The following UBE2F variants were observed in gnomAD, a reference collection of about 807,000 sequenced individuals.
UBE2F encodes the protein NEDD8-conjugating enzyme UBE2F.
Under a neutral mutation model 29.6 loss-of-function variants are expected in UBE2F, and 5 were observed. That is an observed-to-expected ratio of 0.17 (90% confidence interval 0.09 to 0.36). UBE2F has a LOEUF of 0.36. Ranked by LOEUF, UBE2F falls within the 10% of genes least tolerant of loss-of-function variation. UBE2F has a pLI of 1.00. For synonymous variants in UBE2F, 66 were observed against 81.8 expected (o/e 0.81, Z 1.04); for missense variants, 141 against 228.5 (o/e 0.62, Z 2.47).
At chr2:238,034,342 C>T (rs1359987704) in intron 8 of UBE2F, among the ~76,000 whole-genome samples, 2 of 151,752 alleles carry the variant, frequency 1.3e-5, no homozygotes, top group Non-Finnish European at 2.9e-5. Context: ...GCAGGAGAAT[C>T]GCTTGAATCC....
At chr2:238,026,337 G>A (rs866186332) in intron 6 of UBE2F, among the ~76,000 whole-genome samples, 3 of 152,282 alleles carry the variant, frequency 2.0e-5, no homozygotes, top group East Asian at 3.9e-4. Flanking sequence ...CTCAACTTCC[G>A]TATCTCTTTT....
chr2:237,987,925 AT>A (rs1214419354), intron 2 of UBE2F, 37 bp from the exon 3 acceptor site: 2 of 1,216,584 alleles, frequency 1.6e-6, no homozygotes, highest in African/African-American at 3.2e-5. Flanking sequence ...ATGTGGAGTA[AT>A]TGACTAATAT....
chr2:237,968,223 A>G (rs2063100057), intron 1 of UBE2F, among the ~76,000 whole-genome samples: 1 of 152,148 alleles, frequency 6.6e-6, no homozygotes, highest in Non-Finnish European at 1.5e-5. Context: ...ATTGAGAGAC[A>G]GAATCACACC....
At chr2:238,007,236 C>T (rs979624493) in intron 4 of UBE2F, among the ~76,000 whole-genome samples, 6 of 152,098 alleles carry the variant, frequency 3.9e-5, no homozygotes, top group Non-Finnish European at 7.4e-5. Flanking sequence ...ATTCATGTGC[C>T]TCAGCTTCCT....
chr2:238,035,708 T>A, intron 8 of UBE2F, 170 bp from the exon 9 acceptor site: 1 of 568,994 alleles, frequency 1.8e-6, no homozygotes, highest in Non-Finnish European at 3.1e-6. Context: ...AATACCCACA[T>A]GTTCGATATT....
At chr2:237,968,873 A>G (rs558856879) in intron 1 of UBE2F, 2 of 983,626 alleles carry the variant, frequency 2.0e-6, no homozygotes, top group African/African-American at 3.5e-5. Context: ...GAGTTGAAGC[A>G]TATTGAAGAA....
chr2:237,994,172 G>A (rs1407373361), intron 3 of UBE2F, among the ~76,000 whole-genome samples: 2 of 148,576 alleles, frequency 1.3e-5, no homozygotes, highest in Non-Finnish European at 3.0e-5. Context: ...GTGCAATGGC[G>A]CGATCTTGGC....
chr2:237,981,197 A>G (rs923573350), intron 2 of UBE2F, among the ~76,000 whole-genome samples: 2 of 152,204 alleles, frequency 1.3e-5, no homozygotes, highest in Admixed American at 1.3e-4. Context: ...GAGGGTGTAC[A>G]GAGAAGGGCC....
At chr2:238,025,027 G>C (rs567989773) in intron 5 of UBE2F, among the ~76,000 whole-genome samples, 2 of 152,306 alleles carry the variant, frequency 1.3e-5, no homozygotes, top group African/African-American at 2.4e-5. Flanking sequence ...AACCCAGGGG[G>C]TGTGGGAGGT....
At chr2:237,993,019 G>A (rs950568446) in intron 3 of UBE2F, among the ~76,000 whole-genome samples, 1 of 151,188 alleles carries the variant, frequency 6.6e-6, no homozygotes, top group Admixed American at 6.6e-5. Context: ...ATGGAGTCTC[G>A]CTTTGTTGCC....
intron 9 of UBE2F, 50 bp downstream of exon 9, chr2:238,035,990 G>T (rs771032913): frequency 2.1e-6 from 3 of 1,455,332 alleles, no homozygotes; most frequent in South Asian, 2.3e-5. Context: ...TCACGAACAC[G>T]ATTACTACTG....
chr2:238,004,103 G>A (rs1338306672), intron 4 of UBE2F, among the ~76,000 whole-genome samples: 3 of 152,188 alleles, frequency 2.0e-5, no homozygotes, highest in African/African-American at 7.2e-5. Context: ...TTGTATGGGT[G>A]TACCACAGTT....
chr2:238,018,761 A>C (rs1166669576), intron 5 of UBE2F, among the ~76,000 whole-genome samples: 1 of 152,180 alleles, frequency 6.6e-6, no homozygotes, highest in East Asian at 1.9e-4. Context: ...TAAAGTTAAA[A>C]ACATTAGCTT....
Position 238,025,585 on chromosome 2 carries a change from C to G in UBE2F, c.353+173C>G, listed in dbSNP as rs567041207. Among the ~76,000 whole-genome samples, 10 of 152,312 alleles carry G rather than the reference C, an allele frequency of 6.6e-5. 1 individual carries two copies. The highest frequency in any genetic ancestry group is 3.4e-3 in the Middle Eastern group (1 of 294). On this transcript the variant is annotated intron_variant, in intron 6 of 9. Transcript: ENST00000272930. ...CTGCCTGCTCCCAAACCCTACCCTA[C>G]CTTCTGCCTCCAGACGAGTGTCTTC...
chr2:238,008,661 G>A (rs1395265452), intron 4 of UBE2F, among the ~76,000 whole-genome samples: 1 of 152,098 alleles, frequency 6.6e-6, no homozygotes. Context: ...TTTTGTTCAT[G>A]TCTTTGTTAT....
intron 2 of UBE2F, among the ~76,000 whole-genome samples, chr2:237,979,229 A>G (rs900393572): frequency 5.9e-5 from 9 of 152,156 alleles, no homozygotes; most frequent in African/African-American, 2.2e-4. Flanking sequence ...GGTGGTTTCT[A>G]ACCTTCTCTT....
rs537508026 is a variant in UBE2F at position 237,968,758 on chromosome 2, T to C, written c.-17+1626T>C. ...TGGGCCAATTACAACTTGTGGAATT[T>C]AGAAACTGAGAATGCTGTTCAGAAC... On this transcript the variant is annotated intron_variant, in intron 1 of 9. Transcript: ENST00000272930. The C allele has an allele frequency of 1.2e-5, 9 of 777,218 alleles. No individual in the cohort carries two copies. The African/African-American group carries it at 1.5e-4, about 13-fold the overall frequency. The allele number at this position is 777,218 out of a possible 1,614,324, so 48.1% of individuals were successfully genotyped here.
At chr2:238,009,178 C>T (rs1380362991) in intron 4 of UBE2F, among the ~76,000 whole-genome samples, 3 of 152,224 alleles carry the variant, frequency 2.0e-5, no homozygotes, top group Non-Finnish European at 4.4e-5. Context: ...CTGCTTTCAG[C>T]AGTTTGATTA....
intron 6 of UBE2F, among the ~76,000 whole-genome samples, chr2:238,026,926 T>C (rs1006068272): frequency 3.3e-5 from 5 of 152,238 alleles, no homozygotes; most frequent in Admixed American, 6.5e-5. Flanking sequence ...AAAATTCCAC[T>C]ATCTTTGGTT....
Sources: gnomAD v4.1 joint callset for allele counts (sites outside exome capture counted in the v4.1 genomes callset) on GRCh38, gnomAD v4.1.1 for gene constraint, MANE v1.5 for transcripts, NCBI Gene and HGNC (gene_info 2026-07-23, HGNC 2026-07-21) for gene names.